Variants in FAM24B observed in about 807,000 individuals in gnomAD.
The protein encoded by FAM24B is protein FAM24B.
FAM24B carries 3 observed loss-of-function variants against 2.3 expected under a neutral mutation model. The ratio of observed to expected loss-of-function variants is 1.29; its 90% confidence interval spans 0.59 to 3.32. The LOEUF (loss-of-function observed/expected upper bound fraction) is 3.32, where lower values mean the gene tolerates loss of function less well. Ranked by LOEUF, FAM24B falls within the 30% of genes most tolerant of loss-of-function variation. The pLI, the probability that FAM24B is intolerant of heterozygous loss-of-function variation, is 0.03. For missense variants in FAM24B, 98 were observed against 117.2 expected (o/e 0.84, Z 0.76); for synonymous variants, 36 against 46.3 (o/e 0.78, Z 0.90).
At chr10:122,864,240 C>T (rs540926994) in intron 1 of FAM24B, among the ~76,000 whole-genome samples, 1 of 152,284 alleles carries the variant, frequency 6.6e-6, no homozygotes, top group African/African-American at 2.4e-5. Context: ...TTATTTTTGG[C>T]ATTGATGAAT....
At chr10:122,855,017 T>C (rs894729327) in intron 2 of FAM24B, among the ~76,000 whole-genome samples, 1 of 152,226 alleles carries the variant, frequency 6.6e-6, no homozygotes, top group African/African-American at 2.4e-5. Flanking sequence ...CACAGCTCCT[T>C]CTGCTCCGCT....
chr10:122,878,681 T>C (rs1001879055), intron 1 of FAM24B, among the ~76,000 whole-genome samples: 44 of 151,874 alleles, frequency 2.9e-4, no homozygotes, highest in African/African-American at 9.9e-4. Flanking sequence ...CCTGGAATTG[T>C]TCCGATGAAA....
intron 1 of FAM24B, among the ~76,000 whole-genome samples, chr10:122,870,436 T>C (rs1847875608): frequency 6.6e-6 from 1 of 152,218 alleles, no homozygotes; most frequent in Admixed American, 6.5e-5. Flanking sequence ...ACTCATTTTA[T>C]GAGGCCAGCA....
At chr10:122,871,158 C>G (rs1267613509) in intron 1 of FAM24B, among the ~76,000 whole-genome samples, 3 of 151,742 alleles carry the variant, frequency 2.0e-5, no homozygotes, top group Non-Finnish European at 2.9e-5. Context: ...AAACAGAGAG[C>G]CAAATCATGA....
chr10:122,872,090 C>G (rs1847906394), intron 1 of FAM24B, among the ~76,000 whole-genome samples: 1 of 151,934 alleles, frequency 6.6e-6, no homozygotes, highest in African/African-American at 2.4e-5. Flanking sequence ...AACAAATTTA[C>G]AAGAAAAAAA....
intron 1 of FAM24B, among the ~76,000 whole-genome samples, chr10:122,866,349 G>T (rs914902057): frequency 3.3e-5 from 5 of 151,758 alleles, no homozygotes; most frequent in South Asian, 2.1e-4. Context: ...GATTTCATTG[G>T]TTTTTTCTTT....
intron 1 of FAM24B, among the ~76,000 whole-genome samples, chr10:122,864,998 C>T (rs1847780438): frequency 6.6e-6 from 1 of 152,112 alleles, no homozygotes; most frequent in Non-Finnish European, 1.5e-5. Flanking sequence ...CAGCTTTTGC[C>T]AATTATGAAT....
intron 1 of FAM24B, among the ~76,000 whole-genome samples, chr10:122,856,243 C>T (rs556319001): frequency 7.9e-5 from 12 of 152,306 alleles, no homozygotes; most frequent in African/African-American, 2.9e-4. Flanking sequence ...GGGGCAGCAC[C>T]CAGGAAGAGA....
chr10:122,874,741 G>A (rs1292169439), intron 1 of FAM24B, among the ~76,000 whole-genome samples: 6 of 134,972 alleles, frequency 4.4e-5, no homozygotes, highest in African/African-American at 1.0e-4. Flanking sequence ...TACAGCCTGC[G>A]GGCTGTATAC....
intron 1 of FAM24B, among the ~76,000 whole-genome samples, chr10:122,858,687 TG>T (rs547203473): frequency 2.0e-4 from 31 of 152,194 alleles, no homozygotes; most frequent in African/African-American, 7.2e-4. Context: ...TTCTAGGAAC[TG>T]GGGAAAGACC....
intron 1 of FAM24B, among the ~76,000 whole-genome samples, chr10:122,868,980 C>T (rs868063383): frequency 3.3e-5 from 5 of 152,148 alleles, no homozygotes; most frequent in Admixed American, 6.5e-5. Flanking sequence ...TTAAAAGGCA[C>T]AGACTGGCAA....
At chr10:122,877,686 A>T (rs1271155836) in intron 1 of FAM24B, among the ~76,000 whole-genome samples, 1 of 152,214 alleles carries the variant, frequency 6.6e-6, no homozygotes, top group Non-Finnish European at 1.5e-5. Flanking sequence ...ATGATAATTT[A>T]AACTATAGCC....
chr10:122,850,289 C>T (rs543414238), intron 3 of FAM24B, 135 bp downstream of exon 3: 275 of 712,268 alleles, frequency 3.9e-4, no homozygotes, highest in African/African-American at 3.6e-3. Flanking sequence ...CTTGACTTCA[C>T]CCAGGGTATG....
intron 1 of FAM24B, among the ~76,000 whole-genome samples, chr10:122,868,616 G>A (rs1159964030): frequency 1.3e-5 from 2 of 152,044 alleles, no homozygotes; most frequent in East Asian, 3.8e-4. Context: ...AGAAGAGAGT[G>A]GGGGCCAATA....
intron 1 of FAM24B, 32 bp downstream of exon 1, chr10:122,879,453 C>A (rs769561995): frequency 6.6e-6 from 1 of 152,338 alleles, no homozygotes; most frequent in Non-Finnish European, 1.5e-5. Flanking sequence ...GTCGGTCCTG[C>A]ACATCGCGTA....
At chr10:122,853,209 T>A (rs557251374) in intron 2 of FAM24B, among the ~76,000 whole-genome samples, 8 of 152,262 alleles carry the variant, frequency 5.3e-5, no homozygotes, top group African/African-American at 9.6e-5. Flanking sequence ...GTCCCCTATA[T>A]GGGAAATTTT....
chr10:122,870,480 C>G (rs1185328495), intron 1 of FAM24B, among the ~76,000 whole-genome samples: 1 of 152,042 alleles, frequency 6.6e-6, no homozygotes, highest in Admixed American at 6.6e-5. Flanking sequence ...AGAGACACAA[C>G]CAAAAAAGAG....
intron 1 of FAM24B, among the ~76,000 whole-genome samples, chr10:122,859,479 T>A (rs1213695748): frequency 6.6e-6 from 1 of 152,176 alleles, no homozygotes; most frequent in Non-Finnish European, 1.5e-5. Context: ...CTCAAATCCT[T>A]CTTGATCCTG....
chr10:122,863,242 C>T (rs540508718), intron 1 of FAM24B, among the ~76,000 whole-genome samples: 1 of 152,334 alleles, frequency 6.6e-6, no homozygotes, highest in African/African-American at 2.4e-5. Flanking sequence ...TGATTGATGA[C>T]TTCATGCCTG....
Sources: gnomAD v4.1 joint callset for allele counts (sites outside exome capture counted in the v4.1 genomes callset) on GRCh38, gnomAD v4.1.1 for gene constraint, MANE v1.5 for transcripts, NCBI Gene and HGNC (gene_info 2026-07-23, HGNC 2026-07-21) for gene names.